The following C12orf42 variants were observed in gnomAD, a reference collection of about 807,000 sequenced individuals.
C12orf42 encodes uncharacterized protein C12orf42.
C12orf42 carries 25 observed loss-of-function variants against 21.6 expected under a neutral mutation model. That is an observed-to-expected ratio of 1.16 (90% confidence interval 0.84 to 1.62). The LOEUF (loss-of-function observed/expected upper bound fraction) is 1.62, where lower values mean the gene tolerates loss of function less well. Ranked by LOEUF, C12orf42 falls within the 40% of genes most tolerant of loss-of-function variation. The pLI is 0.00. For missense variants in C12orf42, 483 were observed against 459.3 expected, an observed-to-expected ratio of 1.05 and a Z score of -0.47; for synonymous variants, 174 against 175.0, an observed-to-expected ratio of 0.99 and a Z score of 0.05.
chr12:103,275,267 TA>T (rs529832119), intron 5 of C12orf42, among the ~76,000 whole-genome samples: 115 of 152,248 alleles, frequency 7.6e-4, no homozygotes, highest in Non-Finnish European at 1.4e-3. Context: ...ATAGAATTAG[TA>T]AAAAATTGTA....
chr12:103,096,228 G>A, the C12orf42 span, among the ~76,000 whole-genome samples: 2 of 152,128 alleles, frequency 1.3e-5, no homozygotes, highest in African/African-American at 4.8e-5. Flanking sequence ...TGATTACAAG[G>A]TTTGTAAAGG....
the C12orf42 span, among the ~76,000 whole-genome samples, chr12:103,556,201 C>T: frequency 6.6e-6 from 1 of 152,210 alleles, no homozygotes; most frequent in African/African-American, 2.4e-5. Context: ...GTCAAAGTTA[C>T]ATGACCTCTC....
the C12orf42 span, among the ~76,000 whole-genome samples, chr12:103,134,999 T>A: frequency 2.0e-5 from 3 of 151,930 alleles, no homozygotes; most frequent in African/African-American, 7.3e-5. Flanking sequence ...ATAAAAAAAA[T>A]AAAACACTGC....
chr12:103,516,236 TA>T, the C12orf42 span, among the ~76,000 whole-genome samples: 14 of 152,202 alleles, frequency 9.2e-5, no homozygotes, highest in African/African-American at 3.4e-4. Context: ...TATCTTAATT[TA>T]AAATGAACAA....
At chr12:103,305,884 A>C in intron 5 of C12orf42, 90 bp downstream of exon 5, 1 of 1,431,688 alleles carries the variant, frequency 7.0e-7, no homozygotes. Flanking sequence ...CTGGCCATGA[A>C]GTCAATATTT....
the C12orf42 span, among the ~76,000 whole-genome samples, chr12:103,501,362 T>C: frequency 2.0e-5 from 3 of 152,218 alleles, no homozygotes; most frequent in African/African-American, 7.2e-5. Context: ...CCGTTCTCTT[T>C]CTTTCCTCTG....
At chr12:103,404,753 T>C (rs2048297696) in intron 2 of C12orf42, among the ~76,000 whole-genome samples, 1 of 152,204 alleles carries the variant, frequency 6.6e-6, no homozygotes, top group African/African-American at 2.4e-5. Context: ...AGCCCATATG[T>C]TAGAGAAGAG....
chr12:103,455,312 G>T (rs1159340723), intron 2 of C12orf42, among the ~76,000 whole-genome samples: 2 of 152,142 alleles, frequency 1.3e-5, no homozygotes, highest in Non-Finnish European at 2.9e-5. Context: ...TTTGTATAAA[G>T]TTTGTAAAGC....
the C12orf42 span, among the ~76,000 whole-genome samples, chr12:103,142,834 T>C: frequency 2.6e-5 from 4 of 152,194 alleles, no homozygotes; most frequent in Admixed American, 2.0e-4. Context: ...TAACTAACAG[T>C]AAAAATATAA....
At chr12:103,252,265 G>A (rs181026454) in intron 10 of C12orf42, among the ~76,000 whole-genome samples, 70 of 152,200 alleles carry the variant, frequency 4.6e-4, no homozygotes, top group African/African-American at 1.7e-3. Flanking sequence ...TGTGTGCATA[G>A]GTCTTTATAG....
At chr12:103,237,260 A>G (rs1749703361), downstream of C12orf42, among the ~76,000 whole-genome samples, 1 of 152,096 alleles carries the variant, frequency 6.6e-6, no homozygotes, top group African/African-American at 2.4e-5. Flanking sequence ...GTCTTCAACA[A>G]TGGTGTGTGT....
At chr12:103,521,411 T>G in the C12orf42 span, among the ~76,000 whole-genome samples, 1 of 152,168 alleles carries the variant, frequency 6.6e-6, no homozygotes, top group Non-Finnish European at 1.5e-5. Context: ...GCCATTATCC[T>G]CAGCAAACTA....
At chr12:103,284,809 C>T (rs1052221032) in intron 4 of C12orf42, among the ~76,000 whole-genome samples, 5 of 152,102 alleles carry the variant, frequency 3.3e-5, no homozygotes, top group Admixed American at 6.5e-5. Flanking sequence ...CTTTTGCTTT[C>T]GTGGGCCCCT....
At chr12:103,455,812 TC>T (rs372052581) in intron 2 of C12orf42, among the ~76,000 whole-genome samples, 26 of 152,274 alleles carry the variant, frequency 1.7e-4, no homozygotes, top group African/African-American at 5.8e-4. Flanking sequence ...TGTTTTCTAC[TC>T]AAAACAACCA....
chr12:103,150,857 A>G, the C12orf42 span, among the ~76,000 whole-genome samples: 4 of 152,152 alleles, frequency 2.6e-5, no homozygotes, highest in Non-Finnish European at 4.4e-5. Context: ...CATCATCACC[A>G]TTTTGCTCAA....
chr12:103,145,460 T>C, the C12orf42 span, among the ~76,000 whole-genome samples: 1 of 152,172 alleles, frequency 6.6e-6, no homozygotes, highest in Non-Finnish European at 1.5e-5. Flanking sequence ...TTGACCAACA[T>C]AAAAATAGAA....
the C12orf42 span, among the ~76,000 whole-genome samples, chr12:103,182,918 T>C: frequency 6.6e-6 from 1 of 152,246 alleles, no homozygotes; most frequent in African/African-American, 2.4e-5. Context: ...GTGCATTTAG[T>C]TCTATTTAAT....
chr12:103,135,784 T>G, the C12orf42 span, among the ~76,000 whole-genome samples: 3 of 152,148 alleles, frequency 2.0e-5, no homozygotes, highest in African/African-American at 7.2e-5. Context: ...ATACCTGATA[T>G]CAATAGCATG....
At chr12:103,057,037 G>T in the C12orf42 span, among the ~76,000 whole-genome samples, 1 of 152,058 alleles carries the variant, frequency 6.6e-6, no homozygotes, top group African/African-American at 2.4e-5. Context: ...AGGTCCTCAT[G>T]GTTGGTGGTA....
Sources: allele counts gnomAD v4.1 joint callset (sites outside exome capture counted in the v4.1 genomes callset), GRCh38; gene constraint gnomAD v4.1.1; transcripts MANE v1.5; gene names NCBI Gene and HGNC (gene_info 2026-07-23, HGNC 2026-07-21).